The following NCKAP5 variants were observed in gnomAD, a reference collection of about 807,000 sequenced individuals.
NCKAP5 encodes NCK associated protein 5.
In NCKAP5, 92 loss-of-function variants were observed where a neutral mutation model predicts 167.0. That is an observed-to-expected ratio of 0.55 (90% confidence interval 0.47 to 0.66). The LOEUF (loss-of-function observed/expected upper bound fraction) is 0.66. Among genes scored for constraint, NCKAP5 ranks in the 30% least tolerant of loss-of-function variants. NCKAP5 has a pLI of 0.00. For synonymous variants in NCKAP5, 891 were observed against 877.4 expected (o/e 1.02, Z -0.27); for missense variants, 2,378 against 2,315.0 (o/e 1.03, Z -0.56).
intron 4 of NCKAP5, chr2:133,268,412 T>G (rs1301292146): frequency 1.3e-5 from 2 of 151,876 alleles, no homozygotes; most frequent in African/African-American, 2.4e-5. Flanking sequence ...AAAGTGGAGC[T>G]CAAGTGTTAC....
chr2:133,672,877 C>G, the NCKAP5 span, among the ~76,000 whole-genome samples: 2 of 152,192 alleles, frequency 1.3e-5, no homozygotes, highest in Non-Finnish European at 2.9e-5. Flanking sequence ...CTCTTGATCA[C>G]CCCTCATTAC....
chr2:132,725,831 G>T, intron 18 of NCKAP5, 72 bp from the exon 19 acceptor site: 1 of 1,491,006 alleles, frequency 6.7e-7, no homozygotes, highest in Non-Finnish European at 9.2e-7. Flanking sequence ...CTGTGAGGAT[G>T]CGACACAGTT....
At chr2:133,635,042 T>G in the NCKAP5 span, among the ~76,000 whole-genome samples, 1 of 151,938 alleles carries the variant, frequency 6.6e-6, no homozygotes, top group East Asian at 1.9e-4. Context: ...CATAACTAAT[T>G]TTTGTATTTT....
intron 10 of NCKAP5, among the ~76,000 whole-genome samples, chr2:132,863,451 A>G (rs1267134891): frequency 1.3e-5 from 1 of 78,918 alleles, no homozygotes; most frequent in Non-Finnish European, 2.4e-5. Flanking sequence ...AGATGGGTAA[A>G]AAAAAAAAAA....
At chr2:133,498,727 A>G (rs1365026822) in intron 3 of NCKAP5, among the ~76,000 whole-genome samples, 1 of 152,206 alleles carries the variant, frequency 6.6e-6, no homozygotes, top group Non-Finnish European at 1.5e-5. Context: ...CAGCAAAGAC[A>G]TACTGTAAAA....
At chr2:133,119,021 G>T (rs1359225423) in intron 6 of NCKAP5, 4 of 152,210 alleles carry the variant, frequency 2.6e-5, no homozygotes, top group Admixed American at 2.6e-4. Flanking sequence ...TTGTTTTTGA[G>T]ACGGAGTTTC....
At chr2:132,936,912 G>T (rs1419279800) in intron 8 of NCKAP5, among the ~76,000 whole-genome samples, 1 of 152,122 alleles carries the variant, frequency 6.6e-6, no homozygotes, top group African/African-American at 2.4e-5. Flanking sequence ...ATGAGGCAGG[G>T]AATAATTTTT....
chr2:133,366,864 T>C (rs1685488532), intron 3 of NCKAP5, among the ~76,000 whole-genome samples: 1 of 152,152 alleles, frequency 6.6e-6, no homozygotes, highest in African/African-American at 2.4e-5. Flanking sequence ...GTGTGACACT[T>C]CTGCTTGCCC....
At chr2:133,379,203 A>G (rs935458055) in intron 3 of NCKAP5, among the ~76,000 whole-genome samples, 1 of 152,218 alleles carries the variant, frequency 6.6e-6, no homozygotes, top group Non-Finnish European at 1.5e-5. Context: ...AGAAAACATT[A>G]TTTCACACTT....
At chr2:132,994,858 T>C (rs941093481) in intron 6 of NCKAP5, among the ~76,000 whole-genome samples, 1 of 152,232 alleles carries the variant, frequency 6.6e-6, no homozygotes, top group African/African-American at 2.4e-5. Flanking sequence ...CTATATTGTA[T>C]TACCTATTGC....
chr2:133,086,598 T>C (rs1264656621), intron 6 of NCKAP5, among the ~76,000 whole-genome samples: 4 of 152,244 alleles, frequency 2.6e-5, no homozygotes, highest in East Asian at 3.9e-4. Context: ...GCTATGATCA[T>C]GCCACTGCAC....
intron 5 of NCKAP5, among the ~76,000 whole-genome samples, chr2:133,181,273 T>A (rs1002056878): frequency 1.3e-5 from 2 of 152,026 alleles, no homozygotes; most frequent in Non-Finnish European, 2.9e-5. Context: ...TACTTCTTAG[T>A]TATGTATATA....
chr2:133,387,752 T>A (rs1559441960), intron 3 of NCKAP5, among the ~76,000 whole-genome samples: 7 of 152,196 alleles, frequency 4.6e-5, no homozygotes, highest in Non-Finnish European at 1.5e-5. Flanking sequence ...CTTTTTATTC[T>A]TTTTTCTCGA....
chr2:132,756,605 TAA>T (rs528675057), intron 16 of NCKAP5, among the ~76,000 whole-genome samples: 1 of 151,888 alleles, frequency 6.6e-6, no homozygotes, highest in Non-Finnish European at 1.5e-5. Context: ...TAAGTTCTTT[TAA>T]AAAAAAATTT....
chr2:133,053,761 AG>A (rs2079692630), intron 6 of NCKAP5, among the ~76,000 whole-genome samples: 1 of 152,196 alleles, frequency 6.6e-6, no homozygotes, highest in Non-Finnish European at 1.5e-5. Flanking sequence ...CTTTGGTTTT[AG>A]TTACTAAGGA....
At chr2:133,656,842 G>A in the NCKAP5 span, among the ~76,000 whole-genome samples, 7 of 152,088 alleles carry the variant, frequency 4.6e-5, no homozygotes, top group South Asian at 1.5e-3. Context: ...CTCTTTAGTG[G>A]TGATTTGTGA....
At chr2:133,668,451 C>A in the NCKAP5 span, among the ~76,000 whole-genome samples, 10 of 152,102 alleles carry the variant, frequency 6.6e-5, no homozygotes, top group South Asian at 2.1e-3. Context: ...GCTGATATTT[C>A]TTATTGTCCA....
At chr2:133,199,193 G>A (rs2085565522) in intron 5 of NCKAP5, among the ~76,000 whole-genome samples, 1 of 151,788 alleles carries the variant, frequency 6.6e-6, no homozygotes, top group South Asian at 2.1e-4. Context: ...TGTAAACATA[G>A]GGTAGGCAAA....
chr2:133,396,379 T>G (rs2151006153), intron 3 of NCKAP5, among the ~76,000 whole-genome samples: 1 of 152,208 alleles, frequency 6.6e-6, no homozygotes, highest in Non-Finnish European at 1.5e-5. Context: ...CAAGAATGAC[T>G]TATCCTACAC....
Sources: allele counts gnomAD v4.1 joint callset (sites outside exome capture counted in the v4.1 genomes callset), GRCh38; gene constraint gnomAD v4.1.1; transcripts MANE v1.5; gene names NCBI Gene and HGNC (gene_info 2026-07-23, HGNC 2026-07-21).